PDZRN4: variants seen among roughly 807,000 people sequenced by gnomAD.
PDZRN4 encodes PDZ domain-containing RING finger protein 4.
A neutral mutation model predicts 99.0 loss-of-function variants in PDZRN4; 70 were observed. That is an observed-to-expected ratio of 0.71 (90% CI 0.58 to 0.86). The LOEUF (loss-of-function observed/expected upper bound fraction) is 0.86. Among genes scored for constraint, PDZRN4 ranks in the 40% least tolerant of loss-of-function variants. The pLI is 0.00. For missense variants in PDZRN4, 1,474 were observed against 1,331.2 expected, an observed-to-expected ratio of 1.11 and a Z score of -1.67; for synonymous variants, 551 against 501.6, an observed-to-expected ratio of 1.10 and a Z score of -1.32.
chr12:41,371,223 C>A (rs926612608), intron 3 of PDZRN4, among the ~76,000 whole-genome samples: 1 of 150,794 alleles, frequency 6.6e-6, no homozygotes, highest in African/African-American at 2.4e-5. Context: ...TCTTTCACTA[C>A]TTTTTATGTT....
At chr12:41,352,004 T>TA (rs1951893729) in intron 3 of PDZRN4, among the ~76,000 whole-genome samples, 1 of 150,646 alleles carries the variant, frequency 6.6e-6, no homozygotes, top group Admixed American at 6.6e-5. Context: ...AATAAATAAA[T>TA]AAAAATTTCA....
chr12:41,550,514 G>A (rs1389363244), intron 5 of PDZRN4, among the ~76,000 whole-genome samples: 1 of 152,118 alleles, frequency 6.6e-6, no homozygotes, highest in African/African-American at 2.4e-5. Context: ...GTTTTGAAAA[G>A]AACTTTGCTT....
chr12:41,291,637 A>G (rs918741358), intron 3 of PDZRN4, among the ~76,000 whole-genome samples: 1 of 152,154 alleles, frequency 6.6e-6, no homozygotes, highest in Non-Finnish European at 1.5e-5. Context: ...TAGACAGGTA[A>G]TGTTTATAGT....
chr12:41,410,729 T>C (rs1471939432), intron 3 of PDZRN4, among the ~76,000 whole-genome samples: 1 of 152,174 alleles, frequency 6.6e-6, no homozygotes, highest in East Asian at 1.9e-4. Context: ...CTTAATTTCC[T>C]CATCTTTAAA....
chr12:41,393,912 T>A (rs1006090267), intron 3 of PDZRN4, among the ~76,000 whole-genome samples: 51 of 152,216 alleles, frequency 3.4e-4, no homozygotes, highest in African/African-American at 1.2e-3. Context: ...ACAGGTAGCG[T>A]CTCTGCAATG....
intron 3 of PDZRN4, among the ~76,000 whole-genome samples, chr12:41,371,184 A>G (rs1320953510): frequency 6.7e-6 from 1 of 150,044 alleles, no homozygotes; most frequent in East Asian, 1.9e-4. Context: ...TGATTTTTTT[A>G]AGTTGGCATA....
intron 3 of PDZRN4, among the ~76,000 whole-genome samples, chr12:41,442,413 G>A (rs1952686984): frequency 6.6e-6 from 1 of 151,852 alleles, no homozygotes; most frequent in Non-Finnish European, 1.5e-5. Flanking sequence ...TTTCATGTTT[G>A]CCTGCCTGGT....
At chr12:41,221,011 T>C (rs1950951970) in intron 3 of PDZRN4, among the ~76,000 whole-genome samples, 1 of 152,204 alleles carries the variant, frequency 6.6e-6, no homozygotes, top group South Asian at 2.1e-4. Flanking sequence ...GACTGAGTTC[T>C]AGGCAAAGGA....
intron 3 of PDZRN4, among the ~76,000 whole-genome samples, chr12:41,387,348 C>G (rs1189533021): frequency 6.6e-6 from 1 of 152,060 alleles, no homozygotes; most frequent in Non-Finnish European, 1.5e-5. Context: ...CTTTGGGAGA[C>G]TGAGGCGGGT....
At chr12:41,359,980 A>G (rs1438570615) in intron 3 of PDZRN4, among the ~76,000 whole-genome samples, 2 of 151,848 alleles carry the variant, frequency 1.3e-5, no homozygotes, top group Admixed American at 6.6e-5. Context: ...GGGGATAATC[A>G]ACATATGCCT....
At chr12:41,388,103 A>T (rs1952184736) in intron 3 of PDZRN4, among the ~76,000 whole-genome samples, 1 of 152,208 alleles carries the variant, frequency 6.6e-6, no homozygotes. Flanking sequence ...TAAAAGAATG[A>T]GATAATGTCC....
intron 3 of PDZRN4, among the ~76,000 whole-genome samples, chr12:41,418,322 A>C (rs953829535): frequency 1.3e-5 from 2 of 152,202 alleles, no homozygotes; most frequent in Non-Finnish European, 2.9e-5. Context: ...ATTGTTATCA[A>C]TTCTGCTGGT....
chr12:41,191,115 T>C (rs548698949), intron 1 of PDZRN4, among the ~76,000 whole-genome samples: 73 of 152,326 alleles, frequency 4.8e-4, no homozygotes, highest in Non-Finnish European at 9.4e-4. Context: ...AAAATAAAGA[T>C]ACCTCCAAGG....
At chr12:41,243,781 T>C (rs1280316374) in intron 3 of PDZRN4, among the ~76,000 whole-genome samples, 1 of 152,224 alleles carries the variant, frequency 6.6e-6, no homozygotes, top group African/African-American at 2.4e-5. Flanking sequence ...AGAATATCAT[T>C]TCTATTTATA....
intron 9 of PDZRN4, among the ~76,000 whole-genome samples, chr12:41,568,300 AG>A (rs1939414756): frequency 6.6e-6 from 1 of 152,186 alleles, no homozygotes; most frequent in African/African-American, 2.4e-5. Flanking sequence ...TTGAATACTT[AG>A]GCTATCACTA....
chr12:41,330,490 T>TAAAAAAA (rs201298001), intron 3 of PDZRN4, among the ~76,000 whole-genome samples: 1 of 139,490 alleles, frequency 7.2e-6, no homozygotes, highest in Non-Finnish European at 1.5e-5. Context: ...TCTAATATGG[T>TAAAAAAA]AAAAAAAAAA....
chr12:41,509,911 GA>G lies in PDZRN4; in HGVS notation c.1202del (p.Glu401GlyfsTer16). On this transcript the variant is annotated frameshift_variant and splice_region_variant, in exon 5 of 10. Transcript: ENST00000402685. LOFTEE classifies it high-confidence loss of function. ...AGACAGAACAGAAGACTTTGAATATGAGGTAAGGTCATTTTCATACCACTTC... is the reference window on the plus strand; with the variant it reads ...AGACAGAACAGAAGACTTTGAATATGGGTAAGGTCATTTTCATACCACTTC... ...DADRTEDFEY[E>X]EVELCRVSSQ... The G allele has an allele frequency of 6.7e-7, 1 of 1,490,754 alleles. No homozygotes were observed. The highest frequency in any genetic ancestry group is 9.3e-7 in the Non-Finnish European group (1 of 1,075,198). The allele number at this position is 1,490,754 out of a possible 1,614,324, so 92.3% of individuals were successfully genotyped here. A position where few individuals can be genotyped will look rare whatever the true frequency, so the allele number is the denominator to read the frequency against.
At chr12:41,355,937 G>T (rs1297789790) in intron 3 of PDZRN4, among the ~76,000 whole-genome samples, 3 of 151,986 alleles carry the variant, frequency 2.0e-5, no homozygotes, top group Non-Finnish European at 4.4e-5. Flanking sequence ...TTACAAGTGG[G>T]TTCTTGCCTC....
At chr12:41,561,859 T>C (rs141333868) in intron 7 of PDZRN4, among the ~76,000 whole-genome samples, 1 of 151,918 alleles carries the variant, frequency 6.6e-6, no homozygotes, top group African/African-American at 2.4e-5. Flanking sequence ...GCAAATAGAG[T>C]AAATACTACA....
Sources: gnomAD v4.1 joint callset for allele counts (sites outside exome capture counted in the v4.1 genomes callset) on GRCh38, gnomAD v4.1.1 for gene constraint, MANE v1.5 for transcripts, NCBI Gene and HGNC (gene_info 2026-07-23, HGNC 2026-07-21) for gene names.